TRAPPC8: variants seen among roughly 807,000 people sequenced by gnomAD.
The protein encoded by TRAPPC8 is trafficking protein particle complex subunit 8.
A neutral mutation model predicts 174.3 loss-of-function variants in TRAPPC8; 54 were observed. The observed-to-expected ratio is 0.31, with a 90% CI of 0.25 to 0.39. The LOEUF (loss-of-function observed/expected upper bound fraction) is 0.39. Among genes scored for constraint, TRAPPC8 ranks in the 10% least tolerant of loss-of-function variants. TRAPPC8 has a pLI of 1.00. For missense variants in TRAPPC8, 1,531 were observed against 1,699.1 expected (o/e 0.90, Z 1.74); for synonymous variants, 630 against 579.9 (o/e 1.09, Z -1.24).
intron 11 of TRAPPC8, among the ~76,000 whole-genome samples, chr18:31,896,909 C>A (rs1208451485): frequency 1.3e-5 from 2 of 152,140 alleles, no homozygotes; most frequent in Non-Finnish European, 2.9e-5. Flanking sequence ...CAGGCATGAG[C>A]CATCATGCCT....
At chr18:31,857,016 T>C (rs1295022489) in intron 20 of TRAPPC8, among the ~76,000 whole-genome samples, 3 of 152,278 alleles carry the variant, frequency 2.0e-5, no homozygotes, top group East Asian at 1.9e-4. Context: ...ATATAGGTCA[T>C]AGATCCTGGA....
intron 19 of TRAPPC8, among the ~76,000 whole-genome samples, chr18:31,861,091 C>A (rs951432076): frequency 2.6e-5 from 4 of 152,196 alleles, no homozygotes; most frequent in Admixed American, 6.5e-5. Context: ...GAAACCCATA[C>A]CAGCACTCAT....
intron 26 of TRAPPC8, among the ~76,000 whole-genome samples, chr18:31,843,413 T>C (rs188237188): frequency 5.6e-4 from 85 of 152,320 alleles, no homozygotes; most frequent in Non-Finnish European, 2.8e-4. Context: ...GAAATAGATT[T>C]TGTTGTTACA....
chr18:31,935,788 T>A (rs1471571808), intron 1 of TRAPPC8, among the ~76,000 whole-genome samples: 2 of 149,682 alleles, frequency 1.3e-5, no homozygotes, highest in Non-Finnish European at 3.0e-5. Context: ...CAGGCTGGAG[T>A]GCAATTGCAT....
At chr18:31,833,507 A>T (rs914326564) in intron 27 of TRAPPC8, 13 of 152,306 alleles carry the variant, frequency 8.5e-5, no homozygotes, top group Admixed American at 7.2e-4. Flanking sequence ...ACTTCACTGT[A>T]TCTCATTTTC....
chr18:31,884,941 C>T (rs898396589), intron 12 of TRAPPC8, among the ~76,000 whole-genome samples: 1 of 151,750 alleles, frequency 6.6e-6, no homozygotes, highest in Non-Finnish European at 1.5e-5. Flanking sequence ...GCAAGCTCCG[C>T]CTCCCAGGTT....
chr18:31,916,654 T>C (rs1366621601), intron 3 of TRAPPC8, among the ~76,000 whole-genome samples: 5 of 152,112 alleles, frequency 3.3e-5, no homozygotes, highest in Non-Finnish European at 7.4e-5. Flanking sequence ...TGCCTCAGCC[T>C]CCAGAGTAGC....
intron 2 of TRAPPC8, among the ~76,000 whole-genome samples, chr18:31,922,714 T>C (rs1220504167): frequency 6.6e-6 from 1 of 151,878 alleles, no homozygotes; most frequent in Non-Finnish European, 1.5e-5. Context: ...ATAGCAACCA[T>C]GTTTTCCTAC....
chr18:31,933,618 T>C (rs1234214799), intron 1 of TRAPPC8, among the ~76,000 whole-genome samples: 2 of 152,260 alleles, frequency 1.3e-5, no homozygotes, highest in East Asian at 3.9e-4. Context: ...TGGGTTATTA[T>C]CACATACAAA....
rs1300017423 is a variant in TRAPPC8 at position 31,858,002 on chromosome 18, T to C, written c.2746-20A>G. 1.3e-6 allele frequency: 2 copies of C among 1,547,822 alleles called. No individual in the cohort carries two copies. The highest frequency in any genetic ancestry group is 4.2e-5 in the Admixed American group (2 of 47,726). On this transcript the variant is annotated intron_variant, in intron 19 of 28. Coordinates refer to ENST00000283351, the MANE Select transcript of TRAPPC8 (RefSeq NM_014939.5). Reference sequence around the variant, plus strand: ...GAACACCTGCATTGGAGGGAAAAAATATTATTATTTGTCTGTTAAAAATTT... The same window carrying C: ...GAACACCTGCATTGGAGGGAAAAAACATTATTATTTGTCTGTTAAAAATTT...
At chr18:31,891,654 C>T (rs1191528362) in intron 11 of TRAPPC8, among the ~76,000 whole-genome samples, 1 of 152,166 alleles carries the variant, frequency 6.6e-6, no homozygotes, top group Non-Finnish European at 1.5e-5. Flanking sequence ...AACATTTTCA[C>T]CAAAACTTTC....
chr18:31,868,439 T>A (rs2034687603), intron 16 of TRAPPC8, among the ~76,000 whole-genome samples: 1 of 152,164 alleles, frequency 6.6e-6, no homozygotes, highest in Non-Finnish European at 1.5e-5. Flanking sequence ...CTTTAAAATC[T>A]CCCATATTGA....
Position 31,864,070 on chromosome 18 carries a change from TAATA to T in TRAPPC8, c.2745+553_2745+556del, listed in dbSNP as rs1162556057. 6.8e-5 allele frequency among the ~76,000 whole-genome samples: 10 copies of T among 147,356 alleles called. No homozygotes were observed. The Admixed American group carries it at 6.8e-4, about 10-fold the overall frequency. On this transcript the variant is annotated intron_variant, in intron 19 of 28. Coordinates refer to ENST00000283351, the MANE Select transcript of TRAPPC8 (RefSeq NM_014939.5). Reference sequence around the variant, plus strand: ...ATATATATTTATATTATGTATTATATAATATATATGTTCTATAAAATATTATAAT... The same window carrying T: ...ATATATATTTATATTATGTATTATATTATATGTTCTATAAAATATTATAAT...
In TRAPPC8 at chr18:31,839,371, A is replaced by G. The variant is rs752067995; in HGVS notation, c.3924T>C (p.Ser1308=). 1.9e-6 allele frequency: 3 copies of G among 1,612,544 alleles called. No homozygotes were observed. Among genetic ancestry groups the G allele is most frequent in the East Asian group, 4.5e-5 (2 of 44,780 alleles). Residue 1308 remains serine (S), a synonymous_variant, in exon 27 of 29, where the codon AGT becomes AGC. Transcript: ENST00000283351. ...SSRPSVEQLS[S]LIKTSLHYPE... Reference sequence around the variant, plus strand: ...GGTAGTGAAGACTCGTTTTAATGAGACTAGAAAGCTGCTCTACTGATGGCC... The same window carrying G: ...GGTAGTGAAGACTCGTTTTAATGAGGCTAGAAAGCTGCTCTACTGATGGCC...
chr18:31,937,793 T>C (rs2038170888), intron 1 of TRAPPC8, among the ~76,000 whole-genome samples: 1 of 152,078 alleles, frequency 6.6e-6, no homozygotes. Flanking sequence ...AACCTTCACC[T>C]CTCGAGTTCA....
intron 11 of TRAPPC8, 67 bp downstream of exon 11, chr18:31,897,719 A>G: frequency 1.7e-6 from 2 of 1,183,886 alleles, no homozygotes; most frequent in Non-Finnish European, 2.2e-6. Flanking sequence ...TTTCAAGAAA[A>G]AAGATACATC....
At chr18:31,913,599 A>G (rs560461612) in intron 4 of TRAPPC8, 77 bp from the exon 5 acceptor site, 1 of 1,103,396 alleles carries the variant, frequency 9.1e-7, no homozygotes, top group African/African-American at 1.6e-5. Context: ...AAAGTAGTAC[A>G]AAAATAACAT....
chr18:31,854,258 T>C (rs1047643284), intron 21 of TRAPPC8, among the ~76,000 whole-genome samples: 4 of 152,228 alleles, frequency 2.6e-5, no homozygotes, highest in African/African-American at 9.6e-5. Context: ...AAATTGTCAA[T>C]TTTTAATCAA....
intron 12 of TRAPPC8, among the ~76,000 whole-genome samples, chr18:31,881,008 C>CA (rs1287384843): frequency 4.0e-5 from 6 of 151,186 alleles, no homozygotes; most frequent in Non-Finnish European, 7.4e-5. Context: ...AACAAAAGAA[C>CA]AAAAAAAACC....
Sources: gnomAD v4.1 joint callset for allele counts (sites outside exome capture counted in the v4.1 genomes callset) on GRCh38, gnomAD v4.1.1 for gene constraint, MANE v1.5 for transcripts, NCBI Gene and HGNC (gene_info 2026-07-23, HGNC 2026-07-21) for gene names.